Variants in ADCK5 observed in about 807,000 individuals in gnomAD.
The protein encoded by ADCK5 is aarF domain containing kinase 5, also known as uncharacterized aarF domain-containing protein kinase 5.
Under a neutral mutation model 64.9 loss-of-function variants are expected in ADCK5, and 43 were observed. The observed-to-expected ratio is 0.66, with a 90% CI of 0.52 to 0.85. The LOEUF is 0.85. Ranked by LOEUF, ADCK5 falls within the 40% of genes least tolerant of loss-of-function variation. ADCK5 has a pLI of 0.00. For synonymous variants in ADCK5, 434 were observed against 342.8 expected, an observed-to-expected ratio of 1.27 and a Z score of -2.94; for missense variants, 760 against 810.5, an observed-to-expected ratio of 0.94 and a Z score of 0.76.
Position 144,389,555 on chromosome 8 carries a change from GACGGAGTCTCGCTCT to G in ADCK5, c.267-1115_267-1101del, listed in dbSNP as rs1820108298. ...CTGCAGATCTTTTTTTGTTTTTTGA[GACGGAGTCTCGCTCT>G]GTCGCCAGGCTGGAGTGCAGTGGCG... On this transcript the variant is annotated intron_variant, in intron 3 of 14. Coordinates refer to ENST00000308860, the MANE Select transcript of ADCK5 (RefSeq NM_174922.5). Among the ~76,000 whole-genome samples, 4 of 152,190 alleles carry G rather than the reference GACGGAGTCTCGCTCT, an allele frequency of 2.6e-5. No individual in the cohort carries two copies. In the South Asian group the frequency reaches 8.3e-4, roughly 31 times the overall value.
At chr8:144,375,360 C>A in intron 1 of ADCK5, 1 of 754,366 alleles carries the variant, frequency 1.3e-6, no homozygotes, top group Non-Finnish European at 1.6e-6. Context: ...CCCAATCTGT[C>A]TCTTCCTAAC....
At chr8:144,374,334 T>C (rs1819277411) in intron 1 of ADCK5, among the ~76,000 whole-genome samples, 1 of 151,948 alleles carries the variant, frequency 6.6e-6, no homozygotes, top group African/African-American at 2.4e-5. Flanking sequence ...GCCCCGCAAG[T>C]AGCTGACACC....
At position 144,379,446 on chromosome 8, in the gene ADCK5, C is replaced by A. The variant is rs554086624; in HGVS notation, c.72C>A (p.Ser24=). ...ACAGCAGGCAGAAGCCCTGGCCGTCCCCTGCTGTGTTCTTCAGGAGAAACG... is the reference window on the plus strand; with the variant it reads ...ACAGCAGGCAGAAGCCCTGGCCGTCACCTGCTGTGTTCTTCAGGAGAAACG... ...LLHSRQKPWP[S]PAVFFRRNVR... is the part of the protein sequence containing the mutation. The change falls in exon 2 of 15, where the codon TCC becomes TCA. Residue 24 remains serine, a synonymous_variant. Transcript: ENST00000308860. The A allele has an allele frequency of 1.2e-6, 2 of 1,610,418 alleles. No homozygotes were observed. The highest frequency in any genetic ancestry group is 3.3e-5 in the Admixed American group (2 of 59,768).
intron 2 of ADCK5, among the ~76,000 whole-genome samples, chr8:144,382,824 C>T (rs1819737677): frequency 6.6e-6 from 1 of 152,234 alleles, no homozygotes; most frequent in African/African-American, 2.4e-5. Flanking sequence ...TGTCCCATGG[C>T]CCATTGGCTG....
In ADCK5 at chr8:144,391,418, C is replaced by T. The variant is rs782121915; in HGVS notation, c.742C>T (p.Leu248=). 1 of 1,613,182 alleles carries T rather than the reference C, an allele frequency of 6.2e-7. No homozygotes were observed. The highest frequency in any genetic ancestry group is 1.7e-5 in the Admixed American group (1 of 60,010). Residue 248 remains leucine (L), a synonymous_variant, in exon 7 of 15, where the codon CTG becomes TTG. Transcript: ENST00000308860. ...FDGDIHTLEL[L]LRLVEVMHPS... Reference sequence around the variant, plus strand: ...TGGGGACATCCACACCCTGGAGCTCCTGCTGCGGCTCGTTGAGGTCATGCA... The same window carrying T: ...TGGGGACATCCACACCCTGGAGCTCTTGCTGCGGCTCGTTGAGGTCATGCA...
At chr8:144,373,972 C>T (rs1435456574), upstream of ADCK5, 17 of 1,122,774 alleles carry the variant, frequency 1.5e-5, no homozygotes, top group Non-Finnish European at 1.9e-5. Context: ...CCAGCCTCGC[C>T]CACCGCCCAC....
At chr8:144,392,914 G>A in intron 14 of ADCK5, 22 bp downstream of exon 14, 2 of 1,595,184 alleles carry the variant, frequency 1.3e-6, no homozygotes, top group Non-Finnish European at 1.7e-6. Context: ...CGGGGCAGGT[G>A]GGTGGCGGGG....
At chr8:144,383,350 G>A (rs545527950) in intron 3 of ADCK5, 120 bp downstream of exon 3, 625 of 1,361,678 alleles carry the variant, frequency 4.6e-4, no homozygotes, top group Non-Finnish European at 5.6e-4. Flanking sequence ...GGCCTGCAGA[G>A]CTTGCTGAGG....
chr8:144,387,992 A>G (rs183388443), intron 3 of ADCK5, among the ~76,000 whole-genome samples: 36 of 151,660 alleles, frequency 2.4e-4, no homozygotes, highest in Middle Eastern at 3.4e-3. Context: ...TTGGCCTCCC[A>G]AAGTGCTGGG....
intron 1 of ADCK5, among the ~76,000 whole-genome samples, chr8:144,375,869 T>G (rs115926500): frequency 0.99 from 151,504 of 152,318 alleles, 75,356 homozygotes; most frequent in Middle Eastern, 1. Flanking sequence ...TCAGGTGTGT[T>G]GGGGGAAGGC....
intron 3 of ADCK5, among the ~76,000 whole-genome samples, chr8:144,386,647 C>T (rs1819940107): frequency 6.6e-6 from 1 of 152,176 alleles, no homozygotes; most frequent in Non-Finnish European, 1.5e-5. Context: ...CATGAGCCAC[C>T]ACGCAGGCCA....
intron 3 of ADCK5, among the ~76,000 whole-genome samples, chr8:144,383,556 C>G (rs1341863570): frequency 4.6e-5 from 7 of 152,236 alleles, no homozygotes; most frequent in African/African-American, 1.7e-4. Flanking sequence ...GTGCCTTCTC[C>G]CTCAGGCTTC....
At chr8:144,373,927 C>G, upstream of ADCK5, 1 of 771,452 alleles carries the variant, frequency 1.3e-6, no homozygotes, top group Non-Finnish European at 1.7e-6. Flanking sequence ...GACGCTGCCC[C>G]GCCGCGGAGG....
chr8:144,392,429 C>A lies in ADCK5; in HGVS notation c.1268-16C>A. 1 of 1,365,934 alleles carries A rather than the reference C, an allele frequency of 7.3e-7. No individual in the cohort carries two copies. Among genetic ancestry groups the A allele is most frequent in the South Asian group, 1.3e-5 (1 of 76,386 alleles). 84.6% of individuals were successfully genotyped at this position (1,365,934 alleles called of 1,614,324 possible). A position where few individuals can be genotyped will look rare whatever the true frequency, so the allele number is the denominator to read the frequency against. On this transcript the variant is annotated splice_polypyrimidine_tract_variant and intron_variant, in intron 12 of 14. Coordinates refer to ENST00000308860, the MANE Select transcript of ADCK5 (RefSeq NM_174922.5). ...CACTCAGAGCCCCCTCCCTCCCTCC[C>A]TCCCTCCCTCCCCAGACTACCTCCT...
intron 3 of ADCK5, 87 bp from the exon 4 acceptor site, chr8:144,390,584 G>T (rs2130726567): frequency 1.4e-6 from 2 of 1,383,530 alleles, no homozygotes; most frequent in African/African-American, 1.4e-5. Context: ...CCGGGGTGAG[G>T]CTAGACCATG....
At chr8:144,378,142 G>C (rs781916788) in intron 1 of ADCK5, among the ~76,000 whole-genome samples, 13 of 152,192 alleles carry the variant, frequency 8.5e-5, no homozygotes, top group Non-Finnish European at 1.9e-4. Flanking sequence ...ATGATACTTT[G>C]ACACTCAGCC....
chr8:144,382,636 T>C (rs1554858505), intron 2 of ADCK5, among the ~76,000 whole-genome samples: 1 of 152,364 alleles, frequency 6.6e-6, no homozygotes, highest in African/African-American at 2.4e-5. Context: ...TGTACTGTCA[T>C]GCGACTCAGC....
rs370850192 is a variant in ADCK5, at chr8:144,389,566, G to A, written c.267-1105G>A. 3.3e-5 allele frequency among the ~76,000 whole-genome samples: 5 copies of A among 152,270 alleles called. No individual in the cohort carries two copies. The South Asian group carries it at 1.0e-3, about 32-fold the overall frequency. On this transcript the variant is annotated intron_variant, in intron 3 of 14. Transcript: ENST00000308860. ...TTTTTGTTTTTTGAGACGGAGTCTC[G>A]CTCTGTCGCCAGGCTGGAGTGCAGT...
chr8:144,373,708 C>T (rs554331692), upstream of ADCK5: 11 of 228,808 alleles, frequency 4.8e-5, no homozygotes, highest in African/African-American at 2.5e-4. Flanking sequence ...CACTATAGCA[C>T]GGAGTGTTAA....
Sources: allele counts gnomAD v4.1 joint callset (sites outside exome capture counted in the v4.1 genomes callset), GRCh38; gene constraint gnomAD v4.1.1; transcripts MANE v1.5; gene names NCBI Gene and HGNC (gene_info 2026-07-23, HGNC 2026-07-21).